The following SCAI variants were observed in gnomAD, a reference collection of about 807,000 sequenced individuals.
The protein encoded by SCAI is protein SCAI.
A neutral mutation model predicts 92.2 loss-of-function variants in SCAI; 24 were observed. The ratio of observed to expected loss-of-function variants is 0.26; its 90% confidence interval spans 0.19 to 0.37. The LOEUF (loss-of-function observed/expected upper bound fraction) is 0.37, where lower values mean the gene tolerates loss of function less well. SCAI is among the 10% of genes least tolerant of loss of function. The probability of loss-of-function intolerance (pLI) is 1.00; values close to 1 mark genes in which losing one functional copy is unlikely to be tolerated. For missense variants in SCAI, 450 were observed against 736.2 expected (o/e 0.61, Z 4.50); for synonymous variants, 261 against 258.6 (o/e 1.01, Z -0.09).
At chr9:125,066,456 A>ATTTTTTTTTTTT (rs1183338955) in intron 2 of SCAI, among the ~76,000 whole-genome samples, 2 of 121,468 alleles carry the variant, frequency 1.6e-5, no homozygotes, top group African/African-American at 6.1e-5. Flanking sequence ...TATTTTATTT[A>ATTTTTTTTTTTT]TTTATTTATT....
intron 2 of SCAI, among the ~76,000 whole-genome samples, chr9:125,077,457 G>T (rs1320172649): frequency 6.6e-6 from 1 of 151,974 alleles, no homozygotes; most frequent in African/African-American, 2.4e-5. Context: ...TTCTTCTGGG[G>T]GTATACCTCC....
chr9:124,959,586 C>A (rs1159512686), intron 17 of SCAI, among the ~76,000 whole-genome samples: 3 of 150,094 alleles, frequency 2.0e-5, no homozygotes, highest in Non-Finnish European at 4.4e-5. Context: ...ATGTGCCATG[C>A]AGGTTTGTTA....
At chr9:124,988,084 C>T (rs966680682) in intron 14 of SCAI, among the ~76,000 whole-genome samples, 1 of 152,028 alleles carries the variant, frequency 6.6e-6, no homozygotes, top group African/African-American at 2.4e-5. Flanking sequence ...CACACATACA[C>T]ACACGCTTCA....
chr9:125,057,447 C>T (rs1265126230), intron 2 of SCAI, among the ~76,000 whole-genome samples: 1 of 146,044 alleles, frequency 6.8e-6, no homozygotes, highest in East Asian at 1.9e-4. Flanking sequence ...AATGTAACAC[C>T]TAAAATTGAA....
chr9:125,133,411 GC>G (rs1835446880), intron 2 of SCAI, among the ~76,000 whole-genome samples: 1 of 152,114 alleles, frequency 6.6e-6, no homozygotes, highest in Admixed American at 6.6e-5. Context: ...AAAAGATTTT[GC>G]TTTTTTAAAT....
At chr9:125,120,294 AG>A (rs1409158978) in intron 2 of SCAI, among the ~76,000 whole-genome samples, 4 of 152,240 alleles carry the variant, frequency 2.6e-5, no homozygotes, top group Non-Finnish European at 5.9e-5. Context: ...GTAAAAAACA[AG>A]GAGTAAAGAG....
intron 2 of SCAI, among the ~76,000 whole-genome samples, chr9:125,100,713 A>C (rs773422009): frequency 2.6e-5 from 4 of 152,174 alleles, no homozygotes; most frequent in Non-Finnish European, 4.4e-5. Flanking sequence ...GAGAAAAAGC[A>C]AGCAGACAAA....
At chr9:124,959,021 G>T (rs1025315844) in intron 17 of SCAI, among the ~76,000 whole-genome samples, 1 of 151,666 alleles carries the variant, frequency 6.6e-6, no homozygotes, top group Admixed American at 6.6e-5. Flanking sequence ...ATTTTTCATC[G>T]TAGCTTCAAT....
At chr9:125,113,794 C>G (rs1280315526) in intron 2 of SCAI, among the ~76,000 whole-genome samples, 2 of 151,556 alleles carry the variant, frequency 1.3e-5, no homozygotes, top group Admixed American at 1.3e-4. Flanking sequence ...GAAACCCCGT[C>G]TCTACTAAAA....
intron 2 of SCAI, among the ~76,000 whole-genome samples, chr9:125,086,647 C>G (rs1452363878): frequency 6.6e-6 from 1 of 152,172 alleles, no homozygotes; most frequent in Non-Finnish European, 1.5e-5. Context: ...GATTAATTAT[C>G]AGGAGATTCT....
rs117450268 is a variant in SCAI, at chr9:125,046,367, G to A, written c.230+9509C>T. ...TGTGTGTGTGTGTATATATATATGA[G>A]ATAGGCCATAAAAGGAATGAAATAA... On this transcript the variant is annotated intron_variant, in intron 3 of 17. Coordinates refer to ENST00000336505, the MANE Select transcript of SCAI (RefSeq NM_001144877.3). 9.8e-4 allele frequency among the ~76,000 whole-genome samples: 111 copies of A among 113,296 alleles called. 1 individual carries two copies. The East Asian group carries it at 0.03, about 30-fold the overall frequency. The allele number at this position is 113,296 out of a possible 152,430, so 74.3% of individuals were successfully genotyped here.
intron 2 of SCAI, among the ~76,000 whole-genome samples, chr9:125,082,652 C>G (rs1834245353): frequency 6.6e-6 from 1 of 152,222 alleles, no homozygotes; most frequent in Non-Finnish European, 1.5e-5. Flanking sequence ...ACCATGGGAG[C>G]CTACCTCTTG....
At chr9:125,008,157 C>A (rs1044786906) in intron 9 of SCAI, among the ~76,000 whole-genome samples, 4 of 144,226 alleles carry the variant, frequency 2.8e-5, no homozygotes, top group Admixed American at 1.4e-4. Context: ...TTATTTTTTT[C>A]TTTTTGAGAC....
chr9:125,009,358 C>T (rs1271521524), intron 9 of SCAI, among the ~76,000 whole-genome samples: 1 of 152,180 alleles, frequency 6.6e-6, no homozygotes, highest in Non-Finnish European at 1.5e-5. Context: ...CAGCCTCCAC[C>T]TCCTGGGTCC....
chr9:124,988,447 T>C (rs564652203), intron 14 of SCAI, among the ~76,000 whole-genome samples: 1 of 152,112 alleles, frequency 6.6e-6, no homozygotes, highest in Non-Finnish European at 1.5e-5. Context: ...AAATGATCAC[T>C]GATATTCTCA....
rs528448011 is a variant in SCAI, at chr9:125,012,141, A to C, written c.861+6658T>G. Among the ~76,000 whole-genome samples the C allele has an allele frequency of 1.1e-4, 17 of 152,322 alleles. No homozygotes were observed. The East Asian group carries it at 1.9e-3, about 17-fold the overall frequency. On this transcript the variant is annotated intron_variant, in intron 9 of 17. Transcript: ENST00000336505. ...GCATCAACTAACGAGCAAAATAACC[A>C]GCTAACATCATAATGACAGGATCAA...
chr9:125,118,693 G>A (rs547685895), intron 2 of SCAI, among the ~76,000 whole-genome samples: 71 of 151,988 alleles, frequency 4.7e-4, no homozygotes, highest in African/African-American at 1.6e-3. Context: ...GATGCTCTTC[G>A]TCCCCTCACC....
intron 2 of SCAI, among the ~76,000 whole-genome samples, chr9:125,063,882 T>C (rs886518036): frequency 1.3e-5 from 2 of 151,994 alleles, no homozygotes; most frequent in Non-Finnish European, 2.9e-5. Context: ...GCCTCCCAAG[T>C]AGCTGGGATT....
At chr9:124,998,287 T>C (rs755568724) in intron 13 of SCAI, among the ~76,000 whole-genome samples, 12 of 152,062 alleles carry the variant, frequency 7.9e-5, no homozygotes, top group African/African-American at 1.2e-4. Context: ...ACCCCATCTC[T>C]ATGAAAAATA....
Sources: allele counts gnomAD v4.1 joint callset (sites outside exome capture counted in the v4.1 genomes callset), GRCh38; gene constraint gnomAD v4.1.1; transcripts MANE v1.5; gene names NCBI Gene and HGNC (gene_info 2026-07-23, HGNC 2026-07-21).